FBXO42: variants seen among roughly 807,000 people sequenced by gnomAD.
The protein encoded by FBXO42 is F-box protein 42, also known as F-box only protein 42.
FBXO42 carries 12 observed loss-of-function variants against 71.7 expected under a neutral mutation model. The observed-to-expected ratio is 0.17, with a 90% confidence interval of 0.11 to 0.27. FBXO42 has a LOEUF of 0.27. Among genes scored for constraint, FBXO42 ranks in the 10% least tolerant of loss-of-function variants. The pLI, the probability that FBXO42 is intolerant of heterozygous loss-of-function variation, is 1.00. For synonymous variants in FBXO42, 325 were observed against 327.5 expected (o/e 0.99, Z 0.08); for missense variants, 707 against 911.9 (o/e 0.78, Z 2.89).
chr1:16,301,684 C>CAAAAAAAAAAAAAAAAAAAAAAA (rs2082196786), intron 3 of FBXO42, among the ~76,000 whole-genome samples: 1 of 121,928 alleles, frequency 8.2e-6, no homozygotes. Context: ...AAAAAAAAAA[C>CAAAAAAAAAAAAAAAAAAAAAAA]AACAAAAAAA....
rs775479577 is a variant in FBXO42, at chr1:16,247,888, G to GTA, written c.*2780_*2781dup. 1.3e-5 allele frequency: 2 copies of GTA among 151,668 alleles called. No individual in the cohort carries two copies. Among genetic ancestry groups the GTA allele is most frequent in the Non-Finnish European group, 2.9e-5 (2 of 68,030 alleles). The allele number at this position is 151,668 out of a possible 1,614,324, so 9.4% of individuals were successfully genotyped here. A position where few individuals can be genotyped will look rare whatever the true frequency, so the allele number is the denominator to read the frequency against. Reference sequence around the variant, plus strand: ...GGTAGGGAGAGACTAAAATTCTTAAGTAAGATGGACAAGGTGACCAGTGAA... The same window carrying GTA: ...GGTAGGGAGAGACTAAAATTCTTAAGTATAAGATGGACAAGGTGACCAGTGAA... On this transcript the variant is annotated 3_prime_UTR_variant, in exon 10 of 10. Coordinates refer to ENST00000375592, the MANE Select transcript of FBXO42 (RefSeq NM_018994.3).
Position 16,323,794 on chromosome 1 carries a change from CAA to C in FBXO42, c.-17-8361_-17-8360del, listed in dbSNP as rs1158421632. Reference sequence around the variant, plus strand: ...GAGGTGACAAAGCAAGACTCTGTCTCAAAAAAAAAAAAAAAAAAAAAAAAGAA... The same window carrying C: ...GAGGTGACAAAGCAAGACTCTGTCTCAAAAAAAAAAAAAAAAAAAAAAGAA... On this transcript the variant is annotated intron_variant, in intron 1 of 9. Transcript: ENST00000375592. Among the ~76,000 whole-genome samples the C allele has an allele frequency of 2.9e-3, 183 of 63,208 alleles. 1 individual carries two copies. The highest frequency in any genetic ancestry group is 1.0e-2 in the East Asian group (18 of 1,806). 41.5% of individuals were successfully genotyped at this position (63,208 alleles called of 152,430 possible).
At chr1:16,290,681 C>A (rs1213396442) in intron 4 of FBXO42, among the ~76,000 whole-genome samples, 3 of 146,898 alleles carry the variant, frequency 2.0e-5, no homozygotes, top group Admixed American at 1.4e-4. Context: ...GACAGAGTGA[C>A]AAAAAAAAAA....
At position 16,251,651 on chromosome 1, in the gene FBXO42, A is replaced by G. The variant is rs770424967; in HGVS notation, c.1173T>C (p.Ser391=). 25 of 1,614,070 alleles carry G rather than the reference A, an allele frequency of 1.5e-5. No homozygotes were observed. The East Asian group carries it at 5.3e-4, about 35-fold the overall frequency. ...CATCCATGCTTCTTACTGGAGACTG[A>G]GAGCGGTACTCTCGGGTTTCAGGAA... is the stretch of plus-strand genomic sequence containing the variant. ...ALVPETREYR[S]QSPVRSMDEA... The change falls in exon 10 of 10, where the codon TCT becomes TCC. Residue 391 remains serine, a synonymous_variant. Transcript: ENST00000375592. The surrounding 1 kb of genome is among the most constrained non-coding windows in gnomAD (Gnocchi z 4.5).
chr1:16,266,294 G>C (rs1450796851), intron 4 of FBXO42, among the ~76,000 whole-genome samples: 2 of 149,382 alleles, frequency 1.3e-5, no homozygotes, highest in East Asian at 3.8e-4. Context: ...CTAATTCAAA[G>C]GAGAATTTGA....
intron 4 of FBXO42, among the ~76,000 whole-genome samples, chr1:16,257,722 C>G (rs943600528): frequency 6.6e-6 from 1 of 152,110 alleles, no homozygotes. Context: ...GCTTTGTCAC[C>G]CAGGCTGGAG....
At chr1:16,322,387 C>T (rs1485523616) in intron 1 of FBXO42, among the ~76,000 whole-genome samples, 1 of 152,104 alleles carries the variant, frequency 6.6e-6, no homozygotes, top group African/African-American at 2.4e-5. Flanking sequence ...ACCAGCCTGA[C>T]CAACATGGGG....
intron 2 of FBXO42, among the ~76,000 whole-genome samples, chr1:16,310,336 G>C (rs1173773694): frequency 6.6e-6 from 1 of 151,990 alleles, no homozygotes; most frequent in Admixed American, 6.6e-5. Flanking sequence ...ACTCCAGCCT[G>C]GGTGATGGAG....
intron 6 of FBXO42, among the ~76,000 whole-genome samples, chr1:16,254,029 G>A (rs746113374): frequency 2.6e-5 from 4 of 152,186 alleles, no homozygotes; most frequent in Non-Finnish European, 4.4e-5. Context: ...CTGAGGAGCT[G>A]ATATAAAATG....
intron 1 of FBXO42, among the ~76,000 whole-genome samples, chr1:16,345,126 A>G (rs987497789): frequency 6.6e-6 from 1 of 151,718 alleles, no homozygotes; most frequent in Non-Finnish European, 1.5e-5. Context: ...AAAAAAACAT[A>G]TATATATATT....
intron 6 of FBXO42, among the ~76,000 whole-genome samples, chr1:16,254,178 C>T (rs1033696053): frequency 6.6e-6 from 1 of 152,156 alleles, no homozygotes; most frequent in Non-Finnish European, 1.5e-5. Context: ...ATCTGAGCCA[C>T]GTCTGCGGCC....
rs1206662704 is a variant in FBXO42 at position 16,270,304 on chromosome 1, CAT to C, written c.503-13547_503-13546del. Among the ~76,000 whole-genome samples, 6 of 152,216 alleles carry C rather than the reference CAT, an allele frequency of 3.9e-5. No individual in the cohort carries two copies. In the East Asian group the frequency reaches 5.8e-4, roughly 15 times the overall value. ...CTACACTGGGGATTAACTTTCAACA[CAT>C]GTTTCAGAGGGAACAAACATTCAAA... On this transcript the variant is annotated intron_variant, in intron 4 of 9. Transcript: ENST00000375592.
chr1:16,343,733 G>C (rs935222777), intron 1 of FBXO42, among the ~76,000 whole-genome samples: 7 of 151,922 alleles, frequency 4.6e-5, no homozygotes, highest in Non-Finnish European at 1.0e-4. Flanking sequence ...TGAGGCAGGA[G>C]AATCGCTTGA....
At position 16,248,311 on chromosome 1, in the gene FBXO42, A is replaced by C. The variant is rs2081555299; in HGVS notation, c.*2359T>G. 6.6e-6 allele frequency: 1 copy of C among 152,220 alleles called. No homozygotes were observed. Among genetic ancestry groups the C allele is most frequent in the Non-Finnish European group, 1.5e-5 (1 of 68,046 alleles). The allele number at this position is 152,220 out of a possible 1,614,324, so 9.4% of individuals were successfully genotyped here. On this transcript the variant is annotated 3_prime_UTR_variant, in exon 10 of 10. Transcript: ENST00000375592. ...AGACCAACCATAATGGGGGCAGACA[A>C]GGCAGATTTTTCTTAAAAAGCTGTA...
intron 4 of FBXO42, among the ~76,000 whole-genome samples, chr1:16,286,351 T>C (rs1447367621): frequency 6.6e-6 from 1 of 151,990 alleles, no homozygotes; most frequent in Admixed American, 6.6e-5. Flanking sequence ...CTCAGGAAAA[T>C]TACAATCATG....
chr1:16,338,804 C>CTTTTTTTTTTT lies in FBXO42; in HGVS notation c.-18+13440_-18+13450dup, dbSNP rs71574177. On this transcript the variant is annotated intron_variant, in intron 1 of 9. Transcript: ENST00000375592. ...AATGGAACATTTTATTTCCATTTGT[C>CTTTTTTTTTTT]TTTTTTTTTTTTTTTTTTTTTTTTG... 9.1e-4 allele frequency among the ~76,000 whole-genome samples: 74 copies of CTTTTTTTTTTT among 80,986 alleles called. 1 individual carries two copies. The highest frequency in any genetic ancestry group is 1.3e-3 in the Non-Finnish European group (57 of 44,414). 53.1% of individuals were successfully genotyped at this position (80,986 alleles called of 152,430 possible).
In FBXO42 at chr1:16,315,833, G is replaced by T. The variant is rs1423518472; in HGVS notation, c.-17-398C>A. ...ATTTTGAAGGAAAAACTAACTCTGG[G>T]TCTTGCAAAAAGTAATAACATTCTG... On this transcript the variant is annotated intron_variant, in intron 1 of 9. Coordinates refer to ENST00000375592, the MANE Select transcript of FBXO42 (RefSeq NM_018994.3). 3.9e-5 allele frequency among the ~76,000 whole-genome samples: 6 copies of T among 152,154 alleles called. 1 individual carries two copies. The highest frequency in any genetic ancestry group is 1.4e-4 in the African/African-American group (6 of 41,534).
At chr1:16,270,057 T>A (rs1214452906) in intron 4 of FBXO42, among the ~76,000 whole-genome samples, 5 of 152,058 alleles carry the variant, frequency 3.3e-5, no homozygotes, top group Non-Finnish European at 4.4e-5. Context: ...GGTTTCATCA[T>A]GTTGCTTAGG....
rs546031276 is a variant in FBXO42 at position 16,304,052 on chromosome 1, G to A, written c.367+1751C>T. Reference sequence around the variant, plus strand: ...ACTCCTGACCTCAGGTGATCCGCCCGCCTTGGCCTCCCAAAGTGCTGGGAT... The same window carrying A: ...ACTCCTGACCTCAGGTGATCCGCCCACCTTGGCCTCCCAAAGTGCTGGGAT... On this transcript the variant is annotated intron_variant, in intron 3 of 9. Transcript: ENST00000375592. Among the ~76,000 whole-genome samples the A allele has an allele frequency of 6.0e-5, 9 of 150,690 alleles. No homozygotes were observed. The South Asian group carries it at 1.3e-3, about 21-fold the overall frequency.
Sources: allele counts gnomAD v4.1 joint callset (sites outside exome capture counted in the v4.1 genomes callset), GRCh38; gene constraint gnomAD v4.1.1; non-coding constraint Gnocchi (gnomAD v3.1); transcripts MANE v1.5; gene names NCBI Gene and HGNC (gene_info 2026-07-23, HGNC 2026-07-21).